The following DECR1 variants were observed in gnomAD, a reference collection of about 807,000 sequenced individuals.
DECR1 encodes 2,4-dienoyl-CoA reductase 1.
Under a neutral mutation model 38.8 loss-of-function variants are expected in DECR1, and 44 were observed. The ratio of observed to expected loss-of-function variants is 1.13; its 90% CI spans 0.89 to 1.46. DECR1 has a LOEUF of 1.46. DECR1 is among the 40% of genes most tolerant of loss of function. DECR1 has a pLI of 0.00. For missense variants in DECR1, 428 were observed against 405.5 expected (o/e 1.06, Z -0.48); for synonymous variants, 148 against 135.2 (o/e 1.09, Z -0.66).
At position 90,021,037 on chromosome 8, in the gene DECR1, A is replaced by G; in HGVS notation, c.546A>G (p.Gln182=). 3.2e-6 allele frequency: 5 copies of G among 1,586,794 alleles called. No individual in the cohort carries two copies. The highest frequency in any genetic ancestry group is 1.2e-5 in the South Asian group (1 of 85,286). ...TCGTGACACTAGAAATTGGAAAACA[A>G]CTAATTAAAGCACAGAAAGGTATGT... ...TAFVTLEIGK[Q]LIKAQKGAAF... is the part of the protein sequence containing the mutation. The change falls in exon 5 of 10, where the codon CAA becomes CAG. Residue 182 remains glutamine (Q), a synonymous_variant. Coordinates refer to ENST00000220764, the MANE Select transcript of DECR1 (RefSeq NM_001359.2).
chr8:90,043,735 C>G (rs1813820564), intron 7 of DECR1, among the ~76,000 whole-genome samples: 2 of 152,124 alleles, frequency 1.3e-5, no homozygotes, highest in East Asian at 1.9e-4. Flanking sequence ...TGTTGACTAT[C>G]TTATTTATCT....
chr8:90,049,381 T>C (rs1414749332), intron 8 of DECR1, among the ~76,000 whole-genome samples: 1 of 152,032 alleles, frequency 6.6e-6, no homozygotes, highest in Non-Finnish European at 1.5e-5. Context: ...TTTACACCAA[T>C]AACAGACAAG....
chr8:90,035,401 C>G (rs1470884843), intron 5 of DECR1, among the ~76,000 whole-genome samples: 2 of 150,696 alleles, frequency 1.3e-5, no homozygotes, highest in Non-Finnish European at 3.0e-5. Context: ...TCCCATTTGT[C>G]TTTCATTTTG....
chr8:90,018,753 A>C, intron 2 of DECR1, 156 bp from the exon 3 acceptor site: 1 of 627,944 alleles, frequency 1.6e-6, no homozygotes, highest in East Asian at 2.9e-5. Context: ...AATGATCTAA[A>C]TTTGACTTTT....
intron 4 of DECR1, among the ~76,000 whole-genome samples, chr8:90,019,784 A>G (rs1813105139): frequency 6.6e-6 from 1 of 152,236 alleles, no homozygotes; most frequent in African/African-American, 2.4e-5. Flanking sequence ...TTCCATCCCT[A>G]GGAAAATGCC....
At chr8:90,015,607 G>C (rs1812987788) in intron 1 of DECR1, 2 of 455,256 alleles carry the variant, frequency 4.4e-6, no homozygotes, top group African/African-American at 4.0e-5. Context: ...TAAATTTCAA[G>C]ATATCCTGAA....
intron 1 of DECR1, among the ~76,000 whole-genome samples, chr8:90,011,240 T>A (rs935848631): frequency 6.6e-6 from 1 of 152,168 alleles, no homozygotes; most frequent in Non-Finnish European, 1.5e-5. Context: ...AAATAATACA[T>A]CTATAGCAAT....
At chr8:90,009,826 A>G (rs1812839696) in intron 1 of DECR1, among the ~76,000 whole-genome samples, 1 of 152,166 alleles carries the variant, frequency 6.6e-6, no homozygotes. Context: ...TAGGTCTGTG[A>G]TTTCATCTCT....
chr8:90,048,246 G>A (rs1387064459), intron 8 of DECR1, among the ~76,000 whole-genome samples: 6 of 152,144 alleles, frequency 3.9e-5, no homozygotes, highest in Non-Finnish European at 1.5e-5. Flanking sequence ...GAATCCAGGA[G>A]CTGTTTTTTT....
At chr8:90,048,267 A>G (rs189894264) in intron 8 of DECR1, among the ~76,000 whole-genome samples, 112 of 152,262 alleles carry the variant, frequency 7.4e-4, no homozygotes, top group African/African-American at 2.6e-3. Context: ...TGAAAAGACC[A>G]AAAAAATTGA....
At chr8:90,050,292 A>G (rs1173527697) in intron 8 of DECR1, among the ~76,000 whole-genome samples, 3 of 152,364 alleles carry the variant, frequency 2.0e-5, no homozygotes, top group South Asian at 2.1e-4. Context: ...ACAAAGGGCT[A>G]ATATCCAGAA....
chr8:90,051,532 T>C, intron 8 of DECR1, 145 bp from the exon 9 acceptor site: 1 of 617,060 alleles, frequency 1.6e-6, no homozygotes, highest in Non-Finnish European at 2.9e-6. Flanking sequence ...AATTTAGGTT[T>C]AATCATGAGT....
At chr8:90,009,103 T>A (rs947148999) in intron 1 of DECR1, among the ~76,000 whole-genome samples, 1 of 152,152 alleles carries the variant, frequency 6.6e-6, no homozygotes, top group Admixed American at 6.5e-5. Flanking sequence ...AGCCTAAGTC[T>A]CCGTAGTGGC....
chr8:90,035,050 A>G (rs1813585670), intron 5 of DECR1, among the ~76,000 whole-genome samples: 1 of 152,104 alleles, frequency 6.6e-6, no homozygotes, highest in South Asian at 2.1e-4. Context: ...ATTGTCTTCT[A>G]GCTTACATTA....
In DECR1 at chr8:90,053,436, T is replaced by C. The variant is rs1203211316; in HGVS notation, c.*1539T>C. Among the ~76,000 whole-genome samples, 1 of 152,168 alleles carries C rather than the reference T, an allele frequency of 6.6e-6. No homozygotes were observed. The highest frequency in any genetic ancestry group is 1.5e-5 in the Non-Finnish European group (1 of 68,034). ...TCACTATCACACTATTGTGTTGATA[T>C]TGTGTTCACACACCAATAATGATGG... On this transcript the variant is annotated 3_prime_UTR_variant, in exon 10 of 10. Coordinates refer to ENST00000220764, the MANE Select transcript of DECR1 (RefSeq NM_001359.2).
In DECR1 at chr8:90,015,740, G is replaced by T. The variant is rs537342081; in HGVS notation, c.70-1384G>T. 21 of 447,922 alleles carry T rather than the reference G, an allele frequency of 4.7e-5. 1 individual carries two copies. Among genetic ancestry groups the T allele is most frequent in the South Asian group, 3.3e-4 (21 of 63,258 alleles). The allele number at this position is 447,922 out of a possible 1,614,324, so 27.7% of individuals were successfully genotyped here. A position where few individuals can be genotyped will look rare whatever the true frequency, so the allele number is the denominator to read the frequency against. On this transcript the variant is annotated intron_variant, in intron 1 of 9. Coordinates refer to ENST00000220764, the MANE Select transcript of DECR1 (RefSeq NM_001359.2). ...AATGGAATATCACATAACCTCCCTGGTGTGACCATTAAGCTTAGCAGGATC... is the reference window on the plus strand; with the variant it reads ...AATGGAATATCACATAACCTCCCTGTTGTGACCATTAAGCTTAGCAGGATC...
At position 90,020,599 on chromosome 8, in the gene DECR1, G is replaced by T. The variant is rs527315115; in HGVS notation, c.418-310G>T. 1.7e-4 allele frequency among the ~76,000 whole-genome samples: 26 copies of T among 152,198 alleles called. No homozygotes were observed. The South Asian group carries it at 5.4e-3, about 32-fold the overall frequency. ...TGTAGAGATGACGTCTCGCTTTGTT[G>T]CCCAGCCTGGTCTTGAACTCATCCC... is the stretch of plus-strand genomic sequence containing the variant. On this transcript the variant is annotated intron_variant, in intron 4 of 9. Coordinates refer to ENST00000220764, the MANE Select transcript of DECR1 (RefSeq NM_001359.2).
intron 1 of DECR1, among the ~76,000 whole-genome samples, chr8:90,011,680 G>A (rs1306557851): frequency 2.6e-5 from 4 of 151,934 alleles, no homozygotes; most frequent in African/African-American, 9.7e-5. Flanking sequence ...AAATGTATTA[G>A]TATTCTTTTC....
At chr8:90,043,090 G>A (rs1813803441) in intron 7 of DECR1, among the ~76,000 whole-genome samples, 1 of 152,046 alleles carries the variant, frequency 6.6e-6, no homozygotes, top group Non-Finnish European at 1.5e-5. Context: ...TCAGTGGTCT[G>A]TTATTGTCCT....
Sources: gnomAD v4.1 joint callset for allele counts (sites outside exome capture counted in the v4.1 genomes callset) on GRCh38, gnomAD v4.1.1 for gene constraint, MANE v1.5 for transcripts, NCBI Gene and HGNC (gene_info 2026-07-23, HGNC 2026-07-21) for gene names.